LPAR6: variants seen among roughly 807,000 people sequenced by gnomAD.
LPAR6 encodes the protein lysophosphatidic acid receptor 6.
Under a neutral mutation model 22.0 loss-of-function variants are expected in LPAR6, and 17 were observed. The observed-to-expected ratio is 0.77, with a 90% CI of 0.53 to 1.16. The LOEUF (loss-of-function observed/expected upper bound fraction) is 1.16. Ranked by LOEUF, LPAR6 falls within the 50% of genes most tolerant of loss-of-function variation. The pLI, the probability that LPAR6 is intolerant of heterozygous loss-of-function variation, is 0.00. For synonymous variants in LPAR6, 136 were observed against 139.8 expected, an observed-to-expected ratio of 0.97 and a Z score of 0.19; for missense variants, 384 against 406.9, an observed-to-expected ratio of 0.94 and a Z score of 0.48.
At chr13:48,396,726 G>C (rs982121279) in intron 1 of LPAR6, among the ~76,000 whole-genome samples, 15 of 152,082 alleles carry the variant, frequency 9.9e-5, no homozygotes, top group Non-Finnish European at 1.6e-4. Context: ...CAGAATGGGA[G>C]AAAATTTTTG....
intron 1 of LPAR6, among the ~76,000 whole-genome samples, chr13:48,437,604 G>T (rs911999188): frequency 2.0e-5 from 3 of 152,132 alleles, no homozygotes; most frequent in Non-Finnish European, 2.9e-5. Context: ...TTGTTGGCAG[G>T]CCTCAGTTCT....
chr13:48,428,691 C>T (rs911519956), upstream of LPAR6, among the ~76,000 whole-genome samples: 2 of 152,168 alleles, frequency 1.3e-5, no homozygotes, highest in Non-Finnish European at 2.9e-5. Flanking sequence ...AGATTAAAAT[C>T]GTATGATGAC....
chr13:48,415,510 C>T (rs899220067), upstream of LPAR6, among the ~76,000 whole-genome samples: 3 of 152,082 alleles, frequency 2.0e-5, no homozygotes, highest in African/African-American at 7.2e-5. Context: ...AACTCCTGAC[C>T]TCAAGTCATC....
chr13:48,434,172 C>T (rs1000810207), intron 1 of LPAR6, among the ~76,000 whole-genome samples: 2 of 151,758 alleles, frequency 1.3e-5, no homozygotes. Context: ...ATGAGCCAGG[C>T]CTGGTGGCTC....
intron 1 of LPAR6, among the ~76,000 whole-genome samples, chr13:48,395,635 A>T (rs761841539): frequency 4.6e-5 from 7 of 152,240 alleles, no homozygotes; most frequent in Middle Eastern, 3.4e-3. Context: ...GATATCAGAG[A>T]TTGAAGATCA....
At chr13:48,419,111 A>G (rs1948963812) in intron 2 of LPAR6, among the ~76,000 whole-genome samples, 1 of 152,200 alleles carries the variant, frequency 6.6e-6, no homozygotes, top group South Asian at 2.1e-4. Flanking sequence ...CATCACACTT[A>G]TTCTAAAACT....
At chr13:48,416,021 G>A (rs1031930482), upstream of LPAR6, among the ~76,000 whole-genome samples, 3 of 151,890 alleles carry the variant, frequency 2.0e-5, no homozygotes, top group Non-Finnish European at 4.4e-5. Flanking sequence ...ATAAACTCAG[G>A]CAAACTGTTA....
At chr13:48,393,630 G>A (rs1233380651) in intron 1 of LPAR6, among the ~76,000 whole-genome samples, 1 of 152,178 alleles carries the variant, frequency 6.6e-6, no homozygotes, top group Non-Finnish European at 1.5e-5. Context: ...TATGAAATAT[G>A]TACACTTACA....
intron 1 of LPAR6, among the ~76,000 whole-genome samples, chr13:48,425,128 C>T (rs1949061097): frequency 6.6e-6 from 1 of 152,062 alleles, no homozygotes. Context: ...CTATTAGTAA[C>T]ACATAGACAT....
chr13:48,401,546 T>C (rs1948691812), intron 1 of LPAR6: 1 of 152,210 alleles, frequency 6.6e-6, no homozygotes, highest in Admixed American at 6.5e-5. Flanking sequence ...ATTTCATTTT[T>C]CCAACTATTT....
intron 1 of LPAR6, among the ~76,000 whole-genome samples, chr13:48,405,291 A>T (rs1318105834): frequency 1.3e-5 from 2 of 152,230 alleles, no homozygotes; most frequent in African/African-American, 4.8e-5. Context: ...TAACAAATAC[A>T]GTTTAAAGTT....
upstream of LPAR6, among the ~76,000 whole-genome samples, chr13:48,429,112 A>G (rs1949104697): frequency 3.3e-5 from 5 of 152,336 alleles, no homozygotes. Flanking sequence ...GATTTTTCAT[A>G]TTATTGTAAT....
chr13:48,394,790 C>T (rs576305632), intron 1 of LPAR6, among the ~76,000 whole-genome samples: 19 of 152,324 alleles, frequency 1.2e-4, no homozygotes, highest in South Asian at 8.3e-4. Context: ...GGACAGAGCA[C>T]GTGGGGGAAG....
downstream of LPAR6, among the ~76,000 whole-genome samples, chr13:48,407,276 G>A (rs781227138): frequency 1.3e-5 from 2 of 152,146 alleles, no homozygotes; most frequent in African/African-American, 2.4e-5. Context: ...TTTGAATTCT[G>A]TTTTTAACAC....
At chr13:48,416,980 G>T (rs1240694863), upstream of LPAR6, among the ~76,000 whole-genome samples, 1 of 152,186 alleles carries the variant, frequency 6.6e-6, no homozygotes, top group South Asian at 2.1e-4. Context: ...AGGGTGCTAT[G>T]GGTGGCTATT....
chr13:48,423,814 A>G (rs1949042694), intron 1 of LPAR6, among the ~76,000 whole-genome samples: 1 of 152,212 alleles, frequency 6.6e-6, no homozygotes, highest in South Asian at 2.1e-4. Context: ...AGAGGCTGAG[A>G]CAAGAGGATC....
intron 1 of LPAR6, among the ~76,000 whole-genome samples, chr13:48,423,279 G>A (rs1949032558): frequency 6.6e-6 from 1 of 151,964 alleles, no homozygotes; most frequent in Non-Finnish European, 1.5e-5. Context: ...TTTTGTTTTT[G>A]TTTTTGTGTT....
chr13:48,442,713 C>T (rs1204098523), intron 1 of LPAR6, among the ~76,000 whole-genome samples: 1 of 152,130 alleles, frequency 6.6e-6, no homozygotes, highest in East Asian at 1.9e-4. Context: ...TCCCTTGGAG[C>T]TGCCTCCCAG....
At chr13:48,405,630 C>G (rs979477215) in intron 1 of LPAR6, among the ~76,000 whole-genome samples, 2 of 152,138 alleles carry the variant, frequency 1.3e-5, no homozygotes, top group Non-Finnish European at 2.9e-5. Context: ...AAAGTAGAGC[C>G]TGCAAACCGA....
Sources: allele counts gnomAD v4.1 joint callset (sites outside exome capture counted in the v4.1 genomes callset), GRCh38; gene constraint gnomAD v4.1.1; transcripts MANE v1.5; gene names NCBI Gene and HGNC (gene_info 2026-07-23, HGNC 2026-07-21).